UTRN: variants seen among roughly 807,000 people sequenced by gnomAD.
UTRN encodes utrophin.
A neutral mutation model predicts 463.9 loss-of-function variants in UTRN; 283 were observed. That is an observed-to-expected ratio of 0.61 (90% CI 0.55 to 0.67). The LOEUF (loss-of-function observed/expected upper bound fraction) is 0.67. Among genes scored for constraint, UTRN ranks in the 30% least tolerant of loss-of-function variants. The pLI, the probability that UTRN is intolerant of heterozygous loss-of-function variation, is 0.00. For missense variants in UTRN, 3,922 were observed against 4,084.3 expected, an observed-to-expected ratio of 0.96 and a Z score of 1.08; for synonymous variants, 1,442 against 1,431.5, an observed-to-expected ratio of 1.01 and a Z score of -0.17.
intron 2 of UTRN, among the ~76,000 whole-genome samples, chr6:144,346,015 TA>T (rs1228576497): frequency 6.6e-6 from 1 of 151,664 alleles, no homozygotes; most frequent in African/African-American, 2.4e-5. Flanking sequence ...TTGTCTCTAC[TA>T]AAAATACAAA....
At chr6:144,312,735 T>A (rs1306571823) in intron 2 of UTRN, among the ~76,000 whole-genome samples, 2 of 152,216 alleles carry the variant, frequency 1.3e-5, no homozygotes, top group African/African-American at 2.4e-5. Context: ...TTGATATGAT[T>A]TTCTGGTAGA....
At chr6:144,761,962 T>C (rs550378046) in intron 58 of UTRN, among the ~76,000 whole-genome samples, 2 of 152,282 alleles carry the variant, frequency 1.3e-5, no homozygotes, top group East Asian at 3.9e-4. Flanking sequence ...TGATAAATAG[T>C]TGCTGTGGGA....
intron 54 of UTRN, among the ~76,000 whole-genome samples, chr6:144,740,850 G>A (rs1044217763): frequency 5.9e-5 from 9 of 152,136 alleles, no homozygotes; most frequent in African/African-American, 2.2e-4. Flanking sequence ...GATAGACATA[G>A]CATTTTCAAT....
rs148956980 is a variant in UTRN at position 144,772,321 on chromosome 6, G to A, written c.8557+353G>A. Among the ~76,000 whole-genome samples the A allele has an allele frequency of 2.5e-3, 379 of 151,994 alleles. 4 individuals are homozygous for A. Among genetic ancestry groups the A allele is most frequent in the African/African-American group, 8.5e-3 (351 of 41,462 alleles). The stretch of plus-strand genomic sequence containing the variant: ...AGTGCTCCCGTGAGCCACTGTGCCC[G>A]GCCGAGAACTGTATATTGTTAAATA... On this transcript the variant is annotated intron_variant, in intron 59 of 74. Coordinates refer to ENST00000367545, the MANE Select transcript of UTRN (RefSeq NM_007124.3).
intron 2 of UTRN, among the ~76,000 whole-genome samples, chr6:144,357,320 A>G (rs1289815787): frequency 6.6e-6 from 1 of 152,104 alleles, no homozygotes; most frequent in Non-Finnish European, 1.5e-5. Context: ...GTTATTTGTT[A>G]AGTTAAGCTG....
intron 53 of UTRN, among the ~76,000 whole-genome samples, chr6:144,724,353 C>G (rs979645260): frequency 1.3e-5 from 2 of 151,112 alleles, no homozygotes; most frequent in African/African-American, 4.9e-5. Context: ...CTCAGCCTCC[C>G]AAGTAGCTGG....
intron 32 of UTRN, among the ~76,000 whole-genome samples, chr6:144,492,073 T>C (rs563842567): frequency 3.3e-5 from 5 of 152,322 alleles, no homozygotes; most frequent in East Asian, 3.9e-4. Context: ...GTTTGATACA[T>C]GGATATATTG....
intron 2 of UTRN, among the ~76,000 whole-genome samples, chr6:144,293,577 A>G (rs886606238): frequency 2.0e-5 from 3 of 152,134 alleles, no homozygotes; most frequent in Non-Finnish European, 2.9e-5. Flanking sequence ...AGGTACACTC[A>G]AGAAATTGAT....
chr6:144,534,547 T>G (rs1797360379), intron 43 of UTRN, among the ~76,000 whole-genome samples: 1 of 152,226 alleles, frequency 6.6e-6, no homozygotes. Context: ...GTGCATGCCT[T>G]GACTATTCAT....
intron 28 of UTRN, among the ~76,000 whole-genome samples, chr6:144,487,096 G>T (rs979262297): frequency 3.9e-5 from 6 of 152,124 alleles, no homozygotes; most frequent in Admixed American, 3.3e-4. Flanking sequence ...GTATAGTACT[G>T]TTCTCTGCCT....
intron 58 of UTRN, among the ~76,000 whole-genome samples, chr6:144,762,425 A>G (rs1310813415): frequency 1.3e-5 from 2 of 152,204 alleles, no homozygotes; most frequent in African/African-American, 4.8e-5. Flanking sequence ...GACGGTTACC[A>G]TTTACTATGC....
At chr6:144,644,533 A>G (rs1318939186) in intron 51 of UTRN, among the ~76,000 whole-genome samples, 1 of 152,220 alleles carries the variant, frequency 6.6e-6, no homozygotes, top group African/African-American at 2.4e-5. Context: ...GCCATAAAAT[A>G]TAAAGTATAT....
At position 144,321,645 on chromosome 6, in the gene UTRN, T is replaced by C. The variant is rs191364283; in HGVS notation, c.79+29738T>C. Among the ~76,000 whole-genome samples, 489 of 151,918 alleles carry C rather than the reference T, an allele frequency of 3.2e-3. 5 individuals carry two copies. The highest frequency in any genetic ancestry group is 5.7e-3 in the Non-Finnish European group (385 of 67,940). ...CCACCATGCCCGGCTAATTTTTGTATTTTTAGTAGAGACAGGGGGTTTCAC... is the reference window on the plus strand; with the variant it reads ...CCACCATGCCCGGCTAATTTTTGTACTTTTAGTAGAGACAGGGGGTTTCAC... On this transcript the variant is annotated intron_variant, in intron 2 of 74. Transcript: ENST00000367545.
intron 51 of UTRN, among the ~76,000 whole-genome samples, chr6:144,664,536 T>C (rs755109842): frequency 6.6e-6 from 1 of 150,966 alleles, no homozygotes; most frequent in Non-Finnish European, 1.5e-5. Context: ...ACTCCTGGGC[T>C]CAAGCTATCC....
At chr6:144,532,878 G>T (rs1031385301) in intron 42 of UTRN, among the ~76,000 whole-genome samples, 7 of 152,132 alleles carry the variant, frequency 4.6e-5, no homozygotes, top group African/African-American at 1.4e-4. Context: ...ATGAAGGTGG[G>T]TTAGATTTCA....
At chr6:144,788,206 T>A (rs1291458345) in intron 61 of UTRN, among the ~76,000 whole-genome samples, 1 of 152,166 alleles carries the variant, frequency 6.6e-6, no homozygotes. Flanking sequence ...GTTTTAATTA[T>A]AATTTGATAT....
At chr6:144,491,840 A>G (rs1232997389) in intron 32 of UTRN, among the ~76,000 whole-genome samples, 1 of 152,176 alleles carries the variant, frequency 6.6e-6, no homozygotes, top group Non-Finnish European at 1.5e-5. Flanking sequence ...TGGAACATAC[A>G]TAGTTCAGGG....
At chr6:144,496,985 G>A (rs1016428608) in intron 33 of UTRN, among the ~76,000 whole-genome samples, 19 of 152,222 alleles carry the variant, frequency 1.2e-4, no homozygotes, top group Non-Finnish European at 1.8e-4. Context: ...GGAACATGGT[G>A]CTAGGGAGAT....
chr6:144,554,843 C>A lies in UTRN; in HGVS notation c.7084C>A (p.Leu2362Ile). Residue 2362 changes from leucine (L) to isoleucine (I), a missense_variant, in exon 49 of 75, where the codon CTT (leucine) becomes ATT (isoleucine). Leu to Ile is a conservative substitution (Grantham distance 5). This residue lies in a region of UTRN where 1,309 missense variants were observed against 1,452.6 expected (regional missense o/e 0.90). Transcript: ENST00000367545. ...MRKYEARLYI[L>I]QQARRDPLTK... is the part of the protein sequence containing the mutation. ...AAAATATGAGGCTCGACTCTATATT[C>A]TTCAGCAAGCCCGACGGGATCCACT... 6.2e-7 allele frequency: 1 copy of A among 1,613,994 alleles called. No individual in the cohort carries two copies.
Sources: allele counts gnomAD v4.1 joint callset (sites outside exome capture counted in the v4.1 genomes callset), GRCh38; gene constraint gnomAD v4.1.1; regional missense constraint gnomAD v4.1.1; transcripts MANE v1.5; gene names NCBI Gene and HGNC (gene_info 2026-07-23, HGNC 2026-07-21).